The following PPM1A variants were observed in gnomAD, a reference collection of about 807,000 sequenced individuals.
The protein encoded by PPM1A is protein phosphatase, Mg2+/Mn2+ dependent 1A, also known as protein phosphatase 1A.
A neutral mutation model predicts 35.0 loss-of-function variants in PPM1A; 7 were observed. The observed-to-expected ratio is 0.20, with a 90% CI of 0.11 to 0.38. The LOEUF is 0.38. Among genes scored for constraint, PPM1A ranks in the 10% least tolerant of loss-of-function variants. The pLI, the probability that PPM1A is intolerant of heterozygous loss-of-function variation, is 1.00. For synonymous variants in PPM1A, 153 were observed against 167.3 expected (o/e 0.91, Z 0.66); for missense variants, 239 against 467.8 (o/e 0.51, Z 4.51).
In PPM1A at chr14:60,293,825, TAAGG is replaced by T. The variant is rs1887856880; in HGVS notation, c.*1346_*1349del. The T allele has an allele frequency of 1.3e-5, 2 of 152,100 alleles. No individual in the cohort carries two copies. The highest frequency in any genetic ancestry group is 4.1e-4 in the South Asian group (2 of 4,830). 9.4% of individuals were successfully genotyped at this position (152,100 alleles called of 1,614,324 possible). On this transcript the variant is annotated 3_prime_UTR_variant, in exon 6 of 6. Transcript: ENST00000395076. This position sits in a 1 kb window ranked among gnomAD's most constrained non-coding sequence, Gnocchi z 4.0. ...GCCTTTACAAATAACTTTCAAAGCT[TAAGG>T]AATTGTAGATATAAAAATAACCTAA...
intron 1 of PPM1A, among the ~76,000 whole-genome samples, chr14:60,266,177 CTTTTA>C (rs991749319): frequency 2.8e-4 from 42 of 151,992 alleles, no homozygotes; most frequent in African/African-American, 8.0e-4. Context: ...CATTTATATT[CTTTTA>C]TTTATTTAAT....
At chr14:60,265,564 C>T (rs1190961785) in intron 1 of PPM1A, among the ~76,000 whole-genome samples, 1 of 152,194 alleles carries the variant, frequency 6.6e-6, no homozygotes, top group Non-Finnish European at 1.5e-5. Flanking sequence ...GGAACAGATA[C>T]ATTTCAAAAG....
At chr14:60,258,721 T>C (rs1883414989) in intron 1 of PPM1A, among the ~76,000 whole-genome samples, 1 of 152,050 alleles carries the variant, frequency 6.6e-6, no homozygotes, top group Admixed American at 6.5e-5. Flanking sequence ...TCTCTGAAAA[T>C]ACTTTTTCCT....
Position 60,289,797 on chromosome 14 carries a change from G to A in PPM1A, c.953-9G>A, listed in dbSNP as rs548252285. The A allele has an allele frequency of 2.1e-5, 34 of 1,590,818 alleles. No homozygotes were observed. In the East Asian group the frequency reaches 7.4e-4, roughly 35 times the overall value. ...TAACACTTACAAAAAAAGTACTTCT[G>A]ATTCCCAGAAATCATAAAGAAGCAG... On this transcript the variant is annotated splice_polypyrimidine_tract_variant and intron_variant, in intron 3 of 5. Coordinates refer to ENST00000395076, the MANE Select transcript of PPM1A (RefSeq NM_021003.5). The surrounding 1 kb of genome is among the most constrained non-coding windows in gnomAD (Gnocchi z 4.1).
At chr14:60,249,147 C>G, upstream of PPM1A, 3 of 850,396 alleles carry the variant, frequency 3.5e-6, no homozygotes, top group Non-Finnish European at 2.8e-6. This position sits in a 1 kb window ranked among gnomAD's most constrained non-coding sequence, Gnocchi z 4.5. Flanking sequence ...GGCGGCGGAG[C>G]CAGCGGGGCG....
At chr14:60,284,707 G>GTGTGTA (rs1555344240) in intron 2 of PPM1A, among the ~76,000 whole-genome samples, 3 of 143,342 alleles carry the variant, frequency 2.1e-5, no homozygotes, top group African/African-American at 7.9e-5. Flanking sequence ...ATGTGTGTGT[G>GTGTGTA]TATATATATA....
At position 60,298,468 on chromosome 14, in the gene PPM1A, C is replaced by CA. The variant is rs1432995745; in HGVS notation, c.*5989dup. On this transcript the variant is annotated 3_prime_UTR_variant, in exon 6 of 6. Coordinates refer to ENST00000395076, the MANE Select transcript of PPM1A (RefSeq NM_021003.5). ...CTAAAATATAATAAGTACAATGTAA[C>CA]AAACGTATAGAATTTTGCATTTGTT... 2 of 151,818 alleles carry CA rather than the reference C, an allele frequency of 1.3e-5. No homozygotes were observed. The highest frequency in any genetic ancestry group is 1.5e-5 in the Non-Finnish European group (1 of 67,686). 9.4% of individuals were successfully genotyped at this position (151,818 alleles called of 1,614,324 possible). A position where few individuals can be genotyped will look rare whatever the true frequency, so the allele number is the denominator to read the frequency against.
In PPM1A at chr14:60,296,884, G is replaced by A. The variant is rs1286323254; in HGVS notation, c.*4402G>A. 2.7e-5 allele frequency: 8 copies of A among 294,142 alleles called. No individual in the cohort carries two copies. Among genetic ancestry groups the A allele is most frequent in the Admixed American group, 1.0e-4 (2 of 19,090 alleles). The allele number at this position is 294,142 out of a possible 1,614,324, so 18.2% of individuals were successfully genotyped here. On this transcript the variant is annotated 3_prime_UTR_variant, in exon 6 of 6. Transcript: ENST00000395076. The surrounding 1 kb of genome is among the most constrained non-coding windows in gnomAD (Gnocchi z 4.4). ...TTTGTTCACAGATTCTTTCCCTTTC[G>A]ATTGTTCTGTATGTTAAGATAGTGG...
chr14:60,289,986 G>A lies in PPM1A; in HGVS notation c.1061+72G>A. ...AATGTTAGGTATTCATTGATAAAAT[G>A]TTTGTTTGCCTAATTTCTGAACTGA... On this transcript the variant is annotated intron_variant, in intron 4 of 5. Coordinates refer to ENST00000395076, the MANE Select transcript of PPM1A (RefSeq NM_021003.5). The surrounding 1 kb of genome is among the most constrained non-coding windows in gnomAD (Gnocchi z 4.1). 9.3e-7 allele frequency: 1 copy of A among 1,081,024 alleles called. No individual in the cohort carries two copies. The highest frequency in any genetic ancestry group is 1.3e-6 in the Non-Finnish European group (1 of 762,050). 67.0% of individuals were successfully genotyped at this position (1,081,024 alleles called of 1,614,324 possible). A position where few individuals can be genotyped will look rare whatever the true frequency, so the allele number is the denominator to read the frequency against.
intron 1 of PPM1A, among the ~76,000 whole-genome samples, chr14:60,259,602 A>G (rs1241706726): frequency 2.6e-5 from 4 of 152,234 alleles, no homozygotes; most frequent in South Asian, 2.1e-4. Context: ...AGATCTGTCT[A>G]TAGATAACTT....
chr14:60,291,330 G>A lies in PPM1A; in HGVS notation c.1062-67G>A, dbSNP rs180762781. 1.4e-5 allele frequency: 16 copies of A among 1,105,156 alleles called. No individual in the cohort carries two copies. In the Admixed American group the frequency reaches 2.0e-4, roughly 14 times the overall value. 68.5% of individuals were successfully genotyped at this position (1,105,156 alleles called of 1,614,324 possible). A position where few individuals can be genotyped will look rare whatever the true frequency, so the allele number is the denominator to read the frequency against. ...ATCTTAGAAATTTTAATAAACACCTGGCTATGAGTTACTAAGCAATGTTTT... is the reference window on the plus strand; with the variant it reads ...ATCTTAGAAATTTTAATAAACACCTAGCTATGAGTTACTAAGCAATGTTTT... On this transcript the variant is annotated intron_variant, in intron 4 of 5. Transcript: ENST00000395076.
chr14:60,249,685 C>T lies in PPM1A; in HGVS notation c.-21+8C>T. 5.1e-6 allele frequency: 5 copies of T among 983,608 alleles called. No homozygotes were observed. The highest frequency in any genetic ancestry group is 4.6e-5 in the South Asian group (1 of 21,958). The allele number at this position is 983,608 out of a possible 1,614,324, so 60.9% of individuals were successfully genotyped here. A position where few individuals can be genotyped will look rare whatever the true frequency, so the allele number is the denominator to read the frequency against. On this transcript the variant is annotated splice_region_variant and intron_variant, in intron 1 of 5. Transcript: ENST00000395076. The surrounding 1 kb of genome is among the most constrained non-coding windows in gnomAD (Gnocchi z 4.5). Reference sequence around the variant, plus strand: ...CGCCTGCGGCTGCTCCGGGTAAGTGCGGCGCTCGGGCCGACGGCGGGCTGG... The same window carrying T: ...CGCCTGCGGCTGCTCCGGGTAAGTGTGGCGCTCGGGCCGACGGCGGGCTGG...
In PPM1A at chr14:60,285,533, G is replaced by T. The variant is rs535083862; in HGVS notation, c.835-91G>T. On this transcript the variant is annotated intron_variant, in intron 2 of 5. Transcript: ENST00000395076. ...GAAAGTAACATTTTCACTAGAACAA[G>T]TATAACTGTAATTGGCACAGCTGTA... 3 of 1,314,158 alleles carry T rather than the reference G, an allele frequency of 2.3e-6. No individual in the cohort carries two copies. In the East Asian group the frequency reaches 7.0e-5, roughly 31 times the overall value. The allele number at this position is 1,314,158 out of a possible 1,614,324, so 81.4% of individuals were successfully genotyped here.
At chr14:60,254,951 G>A (rs1030126267) in intron 1 of PPM1A, among the ~76,000 whole-genome samples, 4 of 152,022 alleles carry the variant, frequency 2.6e-5, no homozygotes, top group Non-Finnish European at 5.9e-5. Context: ...GCTATCTCTG[G>A]AACACGCTCT....
chr14:60,263,747 C>G lies in PPM1A; in HGVS notation c.-21+14070C>G, dbSNP rs573723592. Among the ~76,000 whole-genome samples the G allele has an allele frequency of 1.5e-4, 23 of 152,024 alleles. 1 individual carries two copies. In the East Asian group the frequency reaches 3.5e-3, roughly 23 times the overall value. On this transcript the variant is annotated intron_variant, in intron 1 of 5. Transcript: ENST00000395076. ...AATTTTTTTATAGTTTCTTATTTTT[C>G]GTTAGTTTTCAAAAAATACCTTGTT... is the stretch of plus-strand genomic sequence containing the variant.
upstream of PPM1A, among the ~76,000 whole-genome samples, chr14:60,248,967 G>A (rs895591612): frequency 7.9e-5 from 12 of 152,150 alleles, no homozygotes; most frequent in African/African-American, 1.2e-4. Context: ...TCGGCCTGGT[G>A]CTCCAGGCCG....
intron 1 of PPM1A, among the ~76,000 whole-genome samples, chr14:60,255,154 CAT>C (rs1312947310): frequency 2.1e-5 from 3 of 144,250 alleles, no homozygotes; most frequent in African/African-American, 5.5e-5. Flanking sequence ...TTATTTCTAT[CAT>C]ATGTTTTTTT....
chr14:60,255,174 GT>G (rs1219454729), intron 1 of PPM1A, among the ~76,000 whole-genome samples: 1,801 of 55,230 alleles, frequency 0.033, 109 homozygotes, highest in African/African-American at 0.13. Context: ...TTTTTTTTTT[GT>G]TTTGTTTTGT....
rs1056833752 is a variant in PPM1A at position 60,298,057 on chromosome 14, A to G, written c.*5575A>G. The G allele has an allele frequency of 6.6e-6, 1 of 151,674 alleles. No homozygotes were observed. The highest frequency in any genetic ancestry group is 1.5e-5 in the Non-Finnish European group (1 of 67,704). 9.4% of individuals were successfully genotyped at this position (151,674 alleles called of 1,614,324 possible). A position where few individuals can be genotyped will look rare whatever the true frequency, so the allele number is the denominator to read the frequency against. On this transcript the variant is annotated 3_prime_UTR_variant, in exon 6 of 6. Transcript: ENST00000395076. ...TGGCTAGAATCTGACATTAAAATAT[A>G]CTTTTTAAAAAATATTATATTTGGG... is the stretch of plus-strand genomic sequence containing the variant.
Sources: gnomAD v4.1 joint callset for allele counts (sites outside exome capture counted in the v4.1 genomes callset) on GRCh38, gnomAD v4.1.1 for gene constraint, Gnocchi (gnomAD v3.1) non-coding constraint, MANE v1.5 for transcripts, NCBI Gene and HGNC (gene_info 2026-07-23, HGNC 2026-07-21) for gene names.